SIPA1L2: variants seen among roughly 807,000 people sequenced by gnomAD.
SIPA1L2 encodes signal induced proliferation associated 1 like 2.
SIPA1L2 carries 56 observed loss-of-function variants against 163.9 expected under a neutral mutation model. The observed-to-expected ratio is 0.34, with a 90% CI of 0.28 to 0.43. The LOEUF is 0.43. Among genes scored for constraint, SIPA1L2 ranks in the 20% least tolerant of loss-of-function variants. The probability of loss-of-function intolerance (pLI) is 1.00; values close to 1 mark genes in which losing one functional copy is unlikely to be tolerated. For missense variants in SIPA1L2, 1,974 were observed against 2,193.5 expected, an observed-to-expected ratio of 0.90 and a Z score of 2.00; for synonymous variants, 877 against 865.7, an observed-to-expected ratio of 1.01 and a Z score of -0.23.
intron 1 of SIPA1L2, among the ~76,000 whole-genome samples, chr1:232,608,239 G>A (rs1662068547): frequency 1.3e-5 from 2 of 151,954 alleles, no homozygotes; most frequent in Non-Finnish European, 2.9e-5. Flanking sequence ...GTAGAGACAG[G>A]GTTTCACCAT....
At chr1:232,402,504 C>G in intron 21 of SIPA1L2, 31 bp from the exon 22 acceptor site, 13 of 1,587,016 alleles carry the variant, frequency 8.2e-6, no homozygotes, top group Non-Finnish European at 1.1e-5. Flanking sequence ...TAGAAAGATT[C>G]AAGAGAGTCA....
At chr1:232,407,837 G>C (rs918833221) in intron 19 of SIPA1L2, among the ~76,000 whole-genome samples, 1 of 152,152 alleles carries the variant, frequency 6.6e-6, no homozygotes, top group African/African-American at 2.4e-5. Flanking sequence ...CACACCAACT[G>C]CCTCTTTCTG....
chr1:232,479,565 T>A, intron 7 of SIPA1L2, 62 bp downstream of exon 7: 1 of 1,310,706 alleles, frequency 7.6e-7, no homozygotes, highest in Non-Finnish European at 1.1e-6. Flanking sequence ...ATCAATATCA[T>A]CAGTGGGCCC....
At chr1:232,579,687 C>T (rs1429919313) in intron 1 of SIPA1L2, among the ~76,000 whole-genome samples, 2 of 152,234 alleles carry the variant, frequency 1.3e-5, no homozygotes, top group African/African-American at 4.8e-5. Flanking sequence ...CCTCAGTGAG[C>T]TTCCCTATTC....
chr1:232,446,721 CT>C (rs978690910), intron 10 of SIPA1L2, among the ~76,000 whole-genome samples: 2 of 152,216 alleles, frequency 1.3e-5, no homozygotes, highest in Admixed American at 6.5e-5. Flanking sequence ...TTATTACAAA[CT>C]TTGTATGAGA....
chr1:232,444,549 A>C (rs1177587324), intron 11 of SIPA1L2, among the ~76,000 whole-genome samples: 1 of 152,230 alleles, frequency 6.6e-6, no homozygotes, highest in African/African-American at 2.4e-5. Context: ...TGGAGAAGGG[A>C]GAGGATGACC....
intron 2 of SIPA1L2, among the ~76,000 whole-genome samples, chr1:232,522,270 T>C (rs1667490275): frequency 6.6e-6 from 1 of 152,192 alleles, no homozygotes; most frequent in South Asian, 2.1e-4. Flanking sequence ...GTCCATGAGT[T>C]CCAGCCCCTT....
chr1:232,404,186 A>C lies in SIPA1L2; in HGVS notation c.4763-8T>G, dbSNP rs1660510915. The C allele has an allele frequency of 1.2e-6, 2 of 1,613,922 alleles. No individual in the cohort carries two copies. On this transcript the variant is annotated splice_region_variant and splice_polypyrimidine_tract_variant and intron_variant, in intron 19 of 22. Coordinates refer to ENST00000674635, the MANE Select transcript of SIPA1L2 (RefSeq NM_020808.5). ...CTTCATCTGAGTCAAGACCTGAAAT[A>C]AGATTTAGAATTTTCCTATGAACAG... is the stretch of plus-strand genomic sequence containing the variant.
intron 1 of SIPA1L2, among the ~76,000 whole-genome samples, chr1:232,592,681 C>T (rs796483596): frequency 7.2e-5 from 11 of 152,058 alleles, no homozygotes; most frequent in African/African-American, 2.4e-4. Flanking sequence ...TAAACAACAA[C>T]AACAACAAAT....
chr1:232,497,344 G>A (rs1314519090), intron 3 of SIPA1L2, among the ~76,000 whole-genome samples: 1 of 151,994 alleles, frequency 6.6e-6, no homozygotes. Context: ...AAAAACTGGA[G>A]GGAGGCAGAG....
intron 1 of SIPA1L2, among the ~76,000 whole-genome samples, chr1:232,612,800 T>C (rs1036835628): frequency 1.3e-5 from 2 of 152,294 alleles, no homozygotes; most frequent in South Asian, 2.1e-4. Flanking sequence ...TGGGGGACTG[T>C]TGGGAAGGCA....
Position 232,612,119 on chromosome 1 carries a change from G to C in SIPA1L2, c.-319+17750C>G, listed in dbSNP as rs114233825. ...AGCTTCCACATGGTGTCGAGCTCAC[G>C]AGTGCACAGAAGTCAAGAACTGAGG... On this transcript the variant is annotated intron_variant, in intron 1 of 22. Transcript: ENST00000674635. 4.9e-4 allele frequency among the ~76,000 whole-genome samples: 74 copies of C among 152,196 alleles called. 1 individual carries two copies. Among genetic ancestry groups the C allele is most frequent in the Non-Finnish European group, 1.2e-4 (8 of 68,040 alleles).
chr1:232,456,009 T>C (rs1259966331), intron 10 of SIPA1L2, among the ~76,000 whole-genome samples: 1 of 152,106 alleles, frequency 6.6e-6, no homozygotes, highest in Non-Finnish European at 1.5e-5. Context: ...AGTATGCTGA[T>C]TGCCTGGGTG....
chr1:232,404,113 CCAGA>C lies in SIPA1L2; in HGVS notation c.4816+8_4816+11del. The C allele has an allele frequency of 1.2e-6, 2 of 1,614,068 alleles. No individual in the cohort carries two copies. The highest frequency in any genetic ancestry group is 1.7e-6 in the Non-Finnish European group (2 of 1,179,954). On this transcript the variant is annotated splice_region_variant and intron_variant, in intron 20 of 22. Coordinates refer to ENST00000674635, the MANE Select transcript of SIPA1L2 (RefSeq NM_020808.5). Reference sequence around the variant, plus strand: ...GGATATCAGGAGCCAACGAGCAGCCCCAGACAATCACCTAGATAGGACGTGTGGT... The same window carrying C: ...GGATATCAGGAGCCAACGAGCAGCCCCAATCACCTAGATAGGACGTGTGGT...
At chr1:232,506,850 A>AT (rs2103028652) in intron 3 of SIPA1L2, among the ~76,000 whole-genome samples, 1 of 152,352 alleles carries the variant, frequency 6.6e-6, no homozygotes, top group South Asian at 2.1e-4. Flanking sequence ...GAAATAGATC[A>AT]TAATTTTAAA....
At chr1:232,476,821 A>C (rs1558207971) in intron 7 of SIPA1L2, among the ~76,000 whole-genome samples, 1 of 152,242 alleles carries the variant, frequency 6.6e-6, no homozygotes, top group Non-Finnish European at 1.5e-5. Flanking sequence ...AAGAAGGAAC[A>C]CAAGAAATTA....
intron 1 of SIPA1L2, among the ~76,000 whole-genome samples, chr1:232,627,512 G>C (rs1232027523): frequency 6.6e-6 from 1 of 151,518 alleles, no homozygotes; most frequent in Admixed American, 6.6e-5. Flanking sequence ...CACCATCCCA[G>C]TCTTGCGGGG....
chr1:232,535,296 TTAATC>T (rs1266227234), intron 2 of SIPA1L2, among the ~76,000 whole-genome samples: 1 of 152,186 alleles, frequency 6.6e-6, no homozygotes, highest in Non-Finnish European at 1.5e-5. Context: ...CATCTACTGT[TTAATC>T]TAATTTTCCT....
intron 1 of SIPA1L2, among the ~76,000 whole-genome samples, chr1:232,605,215 T>C (rs927670888): frequency 6.6e-6 from 1 of 152,158 alleles, no homozygotes; most frequent in Non-Finnish European, 1.5e-5. Flanking sequence ...GGTTTCTCCA[T>C]GTTGCCCAGT....
Sources: gnomAD v4.1 joint callset for allele counts (sites outside exome capture counted in the v4.1 genomes callset) on GRCh38, gnomAD v4.1.1 for gene constraint, MANE v1.5 for transcripts, NCBI Gene and HGNC (gene_info 2026-07-23, HGNC 2026-07-21) for gene names.